The following GAK variants were observed in gnomAD, a reference collection of about 807,000 sequenced individuals.
GAK encodes the protein cyclin-G-associated kinase.
In GAK, 79 loss-of-function variants were observed where a neutral mutation model predicts 143.9. The observed-to-expected ratio is 0.55, with a 90% CI of 0.46 to 0.66. The LOEUF is 0.66. Among genes scored for constraint, GAK ranks in the 30% least tolerant of loss-of-function variants. The pLI, the probability that GAK is intolerant of heterozygous loss-of-function variation, is 0.00. For synonymous variants in GAK, 881 were observed against 765.5 expected, an observed-to-expected ratio of 1.15 and a Z score of -2.49; for missense variants, 1,693 against 1,779.7, an observed-to-expected ratio of 0.95 and a Z score of 0.88.
chr4:868,466 G>C, intron 20 of GAK, 73 bp downstream of exon 20: 1 of 1,530,414 alleles, frequency 6.5e-7, no homozygotes, highest in South Asian at 1.2e-5. Context: ...CAAGACGCTT[G>C]CCCTGCCCCA....
At chr4:886,943 G>C (rs1716457142) in intron 11 of GAK, 2 of 152,404 alleles carry the variant, frequency 1.3e-5, no homozygotes, top group African/African-American at 2.4e-5. Flanking sequence ...GTTGCACAAG[G>C]ACAAGGCACA....
intron 24 of GAK, among the ~76,000 whole-genome samples, chr4:855,133 G>A (rs1159076551): frequency 6.6e-6 from 1 of 152,196 alleles, no homozygotes; most frequent in East Asian, 1.9e-4. Flanking sequence ...AATCCCTGCT[G>A]AGGCGTTGGT....
Position 893,419 on chromosome 4 carries a change from GA to G in GAK, c.947del (p.Ile316ThrfsTer7). The G allele has an allele frequency of 6.3e-7, 1 of 1,591,240 alleles. No individual in the cohort carries two copies. Among genetic ancestry groups the G allele is most frequent in the Non-Finnish European group, 8.6e-7 (1 of 1,169,326 alleles). ...TGGGGTTCACGTTGCGGGCGGCCGCGATCTCCTGCAGCTGGTGCACCACCTC... is the reference window on the plus strand; with the variant it reads ...TGGGGTTCACGTTGCGGGCGGCCGCGTCTCCTGCAGCTGGTGCACCACCTC... ...IAEVVHQLQE[I>X]AAARNVNPKS... On this transcript the variant is annotated frameshift_variant, in exon 9 of 28. Transcript: ENST00000314167. LOFTEE classifies it high-confidence loss of function.
At chr4:870,635 G>A in intron 19 of GAK, 76 bp downstream of exon 19, 1 of 1,483,172 alleles carries the variant, frequency 6.7e-7, no homozygotes, top group Non-Finnish European at 9.3e-7. Context: ...CCCTGCCAGA[G>A]CTCAGCCAAA....
At chr4:930,945 T>C (rs1725606393) in intron 1 of GAK, among the ~76,000 whole-genome samples, 1 of 152,124 alleles carries the variant, frequency 6.6e-6, no homozygotes, top group South Asian at 2.1e-4. Context: ...CCCTGAGAGG[T>C]ACCAGGGAGC....
intron 25 of GAK, 50 bp downstream of exon 25, chr4:851,700 T>C: frequency 6.4e-7 from 1 of 1,563,862 alleles, no homozygotes. Context: ...CTTTAGCCAA[T>C]TCAGGGAGGT....
intron 17 of GAK, 23 bp downstream of exon 17, chr4:877,066 CG>C: frequency 1.3e-6 from 2 of 1,531,194 alleles, no homozygotes; most frequent in Non-Finnish European, 1.8e-6. Flanking sequence ...TGGGGAGCAC[CG>C]GGCAAGCCAC....
chr4:889,330 C>T (rs898496981), intron 10 of GAK, among the ~76,000 whole-genome samples: 9 of 152,228 alleles, frequency 5.9e-5, no homozygotes, highest in Non-Finnish European at 1.0e-4. Flanking sequence ...TCCGGCCTCA[C>T]GGCCACAGCT....
chr4:924,639 T>C (rs1353721443), intron 1 of GAK, among the ~76,000 whole-genome samples: 1 of 150,914 alleles, frequency 6.6e-6, no homozygotes, highest in East Asian at 1.9e-4. Context: ...TCATGTTCAC[T>C]TGTGACCCTC....
chr4:882,007 A>C lies in GAK; in HGVS notation c.1561T>G (p.Ser521Ala). ...AAGAGACGGCAGAAGCACAGGAAGGAGCAGACGGCCACAGCAGACGCGGCT... is the reference window on the plus strand; with the variant it reads ...AAGAGACGGCAGAAGCACAGGAAGGCGCAGACGGCCACAGCAGACGCGGCT... Reference protein sequence around the residue: ...GRAASAVAVCSFLCFCRLFST... With the variant: ...GRAASAVAVCAFLCFCRLFST... Residue 521 changes from serine (S) to alanine (A), a missense_variant, in exon 15 of 28, where the codon TCC (serine) becomes GCC (alanine). Ser to Ala is a moderately conservative substitution (Grantham distance 99). Around this residue, in one of 2 missense-constraint regions of GAK, gnomAD observed 871 missense variants for 991.0 expected, o/e 0.88. Coordinates refer to ENST00000314167, the MANE Select transcript of GAK (RefSeq NM_005255.4). 6.2e-7 allele frequency: 1 copy of C among 1,607,234 alleles called. No individual in the cohort carries two copies. The highest frequency in any genetic ancestry group is 1.1e-5 in the South Asian group (1 of 89,980).
At chr4:865,676 C>A (rs1343793985) in intron 22 of GAK, among the ~76,000 whole-genome samples, 1 of 152,228 alleles carries the variant, frequency 6.6e-6, no homozygotes, top group East Asian at 1.9e-4. Context: ...ACGCAGCACA[C>A]CTCTGGCGGC....
At chr4:902,831 G>A (rs539708698) in intron 5 of GAK, among the ~76,000 whole-genome samples, 8 of 152,198 alleles carry the variant, frequency 5.3e-5, no homozygotes, top group East Asian at 1.9e-4. Context: ...CTGCTCCAAC[G>A]AACCAAACAC....
chr4:855,680 T>C (rs1214935388), intron 24 of GAK, among the ~76,000 whole-genome samples: 4 of 152,270 alleles, frequency 2.6e-5, no homozygotes, highest in East Asian at 1.9e-4. Flanking sequence ...AAAAATGATA[T>C]TGGCTTGGCC....
chr4:893,691 C>G lies in GAK; in HGVS notation c.877+183G>C, dbSNP rs572253966. 9.9e-5 allele frequency among the ~76,000 whole-genome samples: 15 copies of G among 150,880 alleles called. No homozygotes were observed. The South Asian group carries it at 1.5e-3, about 15-fold the overall frequency. ...CACCACTCAGAGCACCGCAAATTCA[C>G]CAGCGGGGTGGGCGGCAGGGGAGCT... On this transcript the variant is annotated intron_variant, in intron 8 of 27. Transcript: ENST00000314167.
At chr4:925,893 G>A (rs1724639598) in intron 1 of GAK, among the ~76,000 whole-genome samples, 1 of 152,170 alleles carries the variant, frequency 6.6e-6, no homozygotes, top group South Asian at 2.1e-4. Flanking sequence ...TGGGACACGG[G>A]GATGCGCACC....
intron 10 of GAK, among the ~76,000 whole-genome samples, chr4:889,431 G>A (rs919188162): frequency 6.7e-6 from 1 of 149,548 alleles, no homozygotes; most frequent in Non-Finnish European, 1.5e-5. Context: ...CGGCTTTGGT[G>A]GCACAAGTGG....
rs571657274 is a variant in GAK at position 904,572 on chromosome 4, G to A, written c.525+65C>T. 1.9e-4 allele frequency: 285 copies of A among 1,484,854 alleles called. No homozygotes were observed. In the East Asian group the frequency reaches 2.0e-3, roughly 10 times the overall value. 92.0% of individuals were successfully genotyped at this position (1,484,854 alleles called of 1,614,324 possible). A position where few individuals can be genotyped will look rare whatever the true frequency, so the allele number is the denominator to read the frequency against. On this transcript the variant is annotated intron_variant, in intron 5 of 27. Coordinates refer to ENST00000314167, the MANE Select transcript of GAK (RefSeq NM_005255.4). ...CTTGAGGTCCCTGTGGATGATGGGC[G>A]GCTCCTAACCGAGTGGGACCCGCAC...
chr4:877,737 C>T lies in GAK; in HGVS notation c.1734G>A (p.Arg578=). 2 of 1,613,412 alleles carry T rather than the reference C, an allele frequency of 1.2e-6. No homozygotes were observed. The highest frequency in any genetic ancestry group is 2.2e-5 in the East Asian group (1 of 44,854). ...ITPHSKPILV[R]AVVMTPVPLF... ...GCGGCACGGGTGTCATGACCACGGC[C>T]CTCACCAGGATGGGCTTGCTGTGGG... The change falls in exon 16 of 28, where the codon AGG becomes AGA. Residue 578 remains arginine (R), a synonymous_variant. Coordinates refer to ENST00000314167, the MANE Select transcript of GAK (RefSeq NM_005255.4).
In GAK at chr4:870,841, T is replaced by A. The variant is rs2152765139; in HGVS notation, c.2118A>T (p.Glu706Asp). 1 of 1,614,054 alleles carries A rather than the reference T, an allele frequency of 6.2e-7. No homozygotes were observed. The highest frequency in any genetic ancestry group is 1.6e-4 in the Middle Eastern group (1 of 6,062). Residue 706 changes from glutamate to aspartate, a missense_variant, in exon 19 of 28, where the codon GAA becomes GAT. Glu to Asp is a conservative substitution (Grantham distance 45). This residue lies in a region of GAK where 871 missense variants were observed against 991.0 expected (regional missense o/e 0.88). Coordinates refer to ENST00000314167, the MANE Select transcript of GAK (RefSeq NM_005255.4). ...KYPDLFQVNLEVEVEPRDRPS... is the reference protein window; with the variant it reads ...KYPDLFQVNLDVEVEPRDRPS... ...GCCTGTCCCTGGGCTCCACCTCCAC[T>A]TCCAGGTTCACTTGAAATAAATCCG...
Sources: gnomAD v4.1 joint callset for allele counts (sites outside exome capture counted in the v4.1 genomes callset) on GRCh38, gnomAD v4.1.1 for gene constraint, gnomAD v4.1.1 regional missense constraint, MANE v1.5 for transcripts, NCBI Gene and HGNC (gene_info 2026-07-23, HGNC 2026-07-21) for gene names.